The following CTSE variants were observed in gnomAD, a reference collection of about 807,000 sequenced individuals.
The protein encoded by CTSE is erythrocyte membrane aspartic proteinase.
In CTSE, 43 loss-of-function variants were observed where a neutral mutation model predicts 42.8. The ratio of observed to expected loss-of-function variants is 1.01; its 90% confidence interval spans 0.79 to 1.30. The LOEUF (loss-of-function observed/expected upper bound fraction) is 1.30. Ranked by LOEUF, CTSE falls within the 50% of genes most tolerant of loss-of-function variation. CTSE has a pLI of 0.00. For missense variants in CTSE, 532 were observed against 493.5 expected (o/e 1.08, Z -0.74); for synonymous variants, 205 against 191.5 (o/e 1.07, Z -0.58).
At chr1:206,022,797 C>G (rs966938717) in intron 2 of CTSE, 104 bp downstream of exon 2, 2 of 1,171,342 alleles carry the variant, frequency 1.7e-6, no homozygotes, top group Middle Eastern at 2.5e-4. Flanking sequence ...GTGAAGAAAT[C>G]CACAATGGCC....
rs782570101 is a variant in CTSE, at chr1:206,022,197, G to A, written c.296C>T (p.Ser99Phe). 7.4e-6 allele frequency: 12 copies of A among 1,613,084 alleles called. No homozygotes were observed. Among genetic ancestry groups the A allele is most frequent in the East Asian group, 2.2e-5 (1 of 44,872 alleles). The change falls in exon 3 of 9, where the codon TCC becomes TTC. Residue 99 changes from serine to phenylalanine, a missense_variant. Coordinates refer to ENST00000358184, the MANE Select transcript of CTSE (RefSeq NM_001910.4). ...CACAGAGGGGACCCAGAGGTTGGAG[G>A]AGCCAGTGTCGAAGATGACAGTGAA... ...QNFTVIFDTGSSNLWVPSVYC... is the reference protein window; with the variant it reads ...QNFTVIFDTGFSNLWVPSVYC...
intron 4 of CTSE, among the ~76,000 whole-genome samples, chr1:206,018,043 G>C (rs1449162602): frequency 1.3e-5 from 2 of 151,930 alleles, no homozygotes; most frequent in Non-Finnish European, 2.9e-5. Flanking sequence ...TGATCTTATG[G>C]AGAAGTCTCT....
In CTSE at chr1:206,016,130, C is replaced by T. The variant is rs1273422984; in HGVS notation, c.463G>A (p.Val155Met). Residue 155 changes from valine to methionine, a missense_variant and splice_region_variant, in exon 5 of 9, where the codon GTG becomes ATG. Transcript: ENST00000358184. ...SGIIGADQVSVEGLTVVGQQF... is the reference protein window; with the variant it reads ...SGIIGADQVSMEGLTVVGQQF... The stretch of plus-strand genomic sequence containing the variant: ...TGGCCAACCACGGTTAGTCCTTCCA[C>T]CTGGTAGGAGAAAGCCCACAGGAGA... 1.9e-6 allele frequency: 3 copies of T among 1,613,178 alleles called. No individual in the cohort carries two copies. In the African/African-American group the frequency reaches 4.0e-5, roughly 22 times the overall value.
intron 5 of CTSE, among the ~76,000 whole-genome samples, chr1:206,014,571 G>A (rs533232642): frequency 6.6e-6 from 1 of 152,092 alleles, no homozygotes; most frequent in Admixed American, 6.5e-5. Context: ...GTGGGGAAAG[G>A]AACTCACATT....
At position 206,016,135 on chromosome 1, in the gene CTSE, T is replaced by C. The variant is rs1332005501; in HGVS notation, c.463-5A>G. The C allele has an allele frequency of 2.5e-6, 4 of 1,612,742 alleles. No individual in the cohort carries two copies. The African/African-American group carries it at 5.3e-5, about 22-fold the overall frequency. ...AACCACGGTTAGTCCTTCCACCTGG[T>C]AGGAGAAAGCCCACAGGAGAACAGG... is the stretch of plus-strand genomic sequence containing the variant. On this transcript the variant is annotated splice_region_variant and splice_polypyrimidine_tract_variant and intron_variant, in intron 4 of 8. Transcript: ENST00000358184.
chr1:206,021,887 C>T (rs527594610), intron 3 of CTSE, among the ~76,000 whole-genome samples: 1 of 152,122 alleles, frequency 6.6e-6, no homozygotes, highest in Non-Finnish European at 1.5e-5. Flanking sequence ...AAAGATTTCT[C>T]TTTTCAATGG....
rs575346254 is a variant in CTSE, at chr1:206,009,836, A to G, written c.*347T>C. On this transcript the variant is annotated 3_prime_UTR_variant, in exon 9 of 9. Transcript: ENST00000358184. ...TTGTCAGGGCTGAGTGGAGTTGCAA[A>G]GGGATTTATTATACCATGATCTCTG... 40 of 290,822 alleles carry G rather than the reference A, an allele frequency of 1.4e-4. 1 individual carries two copies. In the East Asian group the frequency reaches 3.3e-3, roughly 24 times the overall value. The allele number at this position is 290,822 out of a possible 1,614,324, so 18.0% of individuals were successfully genotyped here.
intron 1 of CTSE, 119 bp downstream of exon 1, chr1:206,023,605 C>T (rs1324981879): frequency 2.5e-5 from 23 of 910,932 alleles, no homozygotes; most frequent in African/African-American, 1.5e-4. Flanking sequence ...CATGCATTGA[C>T]GCAAGCCCTC....
intron 4 of CTSE, among the ~76,000 whole-genome samples, chr1:206,018,253 A>G (rs1200685204): frequency 1.3e-5 from 2 of 152,108 alleles, no homozygotes; most frequent in South Asian, 2.1e-4. Context: ...ATTCTGTTAA[A>G]TGATAAATTC....
intron 4 of CTSE, among the ~76,000 whole-genome samples, chr1:206,020,188 A>G (rs183554234): frequency 1.2e-3 from 173 of 148,568 alleles, no homozygotes; most frequent in African/African-American, 4.0e-3. Flanking sequence ...TATATATTAT[A>G]TATTATATAT....
intron 8 of CTSE, among the ~76,000 whole-genome samples, chr1:206,011,261 A>G (rs1558149649): frequency 6.6e-6 from 1 of 151,968 alleles, no homozygotes; most frequent in African/African-American, 2.4e-5. Context: ...CCATACCGGG[A>G]AAGAACCACG....
intron 7 of CTSE, 25 bp downstream of exon 7, chr1:206,012,483 C>T (rs782670778): frequency 6.2e-7 from 1 of 1,613,970 alleles, no homozygotes; most frequent in Admixed American, 1.7e-5. Flanking sequence ...GTCCCCACCA[C>T]TCCCTTGCGC....
intron 6 of CTSE, among the ~76,000 whole-genome samples, chr1:206,013,402 G>C (rs1558150866): frequency 6.6e-6 from 1 of 151,984 alleles, no homozygotes; most frequent in African/African-American, 2.4e-5. Context: ...TGGTTTGGGT[G>C]CATCTCATCT....
intron 1 of CTSE, 70 bp downstream of exon 1, chr1:206,023,654 C>A: frequency 6.7e-7 from 1 of 1,482,362 alleles, no homozygotes; most frequent in Middle Eastern, 1.7e-4. Flanking sequence ...AGCTTTCCTA[C>A]CCCAGAGCAG....
At chr1:206,018,452 T>C (rs28846085) in intron 4 of CTSE, among the ~76,000 whole-genome samples, 228 of 152,176 alleles carry the variant, frequency 1.5e-3, no homozygotes, top group African/African-American at 5.1e-3. Context: ...AAATGAGTTA[T>C]AAAGTGTTTT....
chr1:206,022,295 G>A, intron 2 of CTSE, 28 bp from the exon 3 acceptor site: 1 of 1,528,522 alleles, frequency 6.5e-7, no homozygotes, highest in Non-Finnish European at 9.0e-7. Flanking sequence ...AAGGAAAGAG[G>A]GTGTGGGTGG....
intron 8 of CTSE, among the ~76,000 whole-genome samples, chr1:206,011,922 C>T (rs1661111205): frequency 6.6e-6 from 1 of 152,146 alleles, no homozygotes; most frequent in Admixed American, 6.5e-5. Context: ...GCAAACAGCT[C>T]ATATCTTGAA....
At position 206,023,075 on chromosome 1, in the gene CTSE, T is replaced by C. The variant is rs782025140; in HGVS notation, c.69-18A>G. The C allele has an allele frequency of 2.5e-5, 41 of 1,610,956 alleles. 1 individual carries two copies. In the South Asian group the frequency reaches 3.7e-4, roughly 15 times the overall value. On this transcript the variant is annotated intron_variant, in intron 1 of 8. Coordinates refer to ENST00000358184, the MANE Select transcript of CTSE (RefSeq NM_001910.4). Reference sequence around the variant, plus strand: ...GGGGCACCCTGGAGACAAACCCCCATGTAAGCAGGAGATGTACTTCTGCCT... The same window carrying C: ...GGGGCACCCTGGAGACAAACCCCCACGTAAGCAGGAGATGTACTTCTGCCT...
In CTSE at chr1:206,023,842, C is replaced by G. The variant is rs782115913; in HGVS notation, c.-51G>C. On this transcript the variant is annotated 5_prime_UTR_variant, in exon 1 of 9. Transcript: ENST00000358184. ...CTTGCCCCCTCCTTTCTTCTCTCCC[C>G]GAGGGCAGTGGGAACGGACTTTCCC... 2.5e-6 allele frequency: 4 copies of G among 1,588,426 alleles called. No individual in the cohort carries two copies. The highest frequency in any genetic ancestry group is 2.2e-5 in the South Asian group (2 of 90,398).
Sources: gnomAD v4.1 joint callset for allele counts (sites outside exome capture counted in the v4.1 genomes callset) on GRCh38, gnomAD v4.1.1 for gene constraint, MANE v1.5 for transcripts, NCBI Gene and HGNC (gene_info 2026-07-23, HGNC 2026-07-21) for gene names.